The following AIG1 variants were observed in gnomAD, a reference collection of about 807,000 sequenced individuals.
AIG1 encodes androgen-induced gene 1 protein.
In AIG1, 23 loss-of-function variants were observed where a neutral mutation model predicts 31.4. The observed-to-expected ratio is 0.73, with a 90% CI of 0.53 to 1.04. The LOEUF is 1.04. Among genes scored for constraint, AIG1 ranks in the 50% least tolerant of loss-of-function variants. AIG1 has a pLI of 0.00. For missense variants in AIG1, 274 were observed against 295.0 expected (o/e 0.93, Z 0.52); for synonymous variants, 100 against 110.5 (o/e 0.90, Z 0.60).
intron 4 of AIG1, among the ~76,000 whole-genome samples, chr6:143,306,872 C>T (rs1014683422): frequency 6.7e-4 from 102 of 152,234 alleles, no homozygotes; most frequent in African/African-American, 2.3e-3. Flanking sequence ...TCACATAGTC[C>T]CATATTTCTT....
At chr6:143,127,779 C>G (rs897812148) in intron 1 of AIG1, among the ~76,000 whole-genome samples, 2 of 152,082 alleles carry the variant, frequency 1.3e-5, no homozygotes, top group Non-Finnish European at 2.9e-5. Context: ...CCTTCACCTC[C>G]CATGTTCAAG....
intron 3 of AIG1, among the ~76,000 whole-genome samples, chr6:143,269,557 A>C (rs1039167783): frequency 7.2e-5 from 11 of 152,218 alleles, no homozygotes; most frequent in Admixed American, 5.2e-4. Flanking sequence ...AATGCACCAA[A>C]CTGGAGAGAA....
At chr6:143,186,116 C>A (rs1305713428) in intron 3 of AIG1, among the ~76,000 whole-genome samples, 1 of 152,176 alleles carries the variant, frequency 6.6e-6, no homozygotes, top group East Asian at 1.9e-4. Flanking sequence ...GGGAGTGGAC[C>A]ATTCAGGGGC....
chr6:143,146,596 C>G (rs568797263), intron 2 of AIG1, among the ~76,000 whole-genome samples: 3 of 152,020 alleles, frequency 2.0e-5, no homozygotes, highest in Admixed American at 2.0e-4. Context: ...CCGCCCTAAA[C>G]ATTGCTTTCT....
intron 3 of AIG1, among the ~76,000 whole-genome samples, chr6:143,204,527 A>G (rs1386970570): frequency 6.6e-6 from 1 of 152,144 alleles, no homozygotes; most frequent in Non-Finnish European, 1.5e-5. Flanking sequence ...ACCAGGCTTC[A>G]TAAGCCCTAG....
At chr6:143,192,098 T>A (rs765049417) in intron 3 of AIG1, among the ~76,000 whole-genome samples, 63 of 152,238 alleles carry the variant, frequency 4.1e-4, no homozygotes, top group Non-Finnish European at 7.1e-4. Context: ...CTTTAAACTT[T>A]TAACTTCAGT....
rs149320815 is a variant in AIG1, at chr6:143,293,227, T to A, written c.515+9002T>A. On this transcript the variant is annotated intron_variant, in intron 4 of 5. Coordinates refer to ENST00000357847, the MANE Select transcript of AIG1 (RefSeq NM_016108.4). The surrounding 1 kb of genome is among the most constrained non-coding windows in gnomAD (Gnocchi z 4.8). ...CTCTCTCTCTTCCCCGCCACCCTTA[T>A]TTTATTTTCATTTTATCCTCTGTTC... Among the ~76,000 whole-genome samples the A allele has an allele frequency of 4.3e-4, 65 of 152,318 alleles. No individual in the cohort carries two copies. Among genetic ancestry groups the A allele is most frequent in the African/African-American group, 1.3e-3 (54 of 41,574 alleles).
chr6:143,242,333 G>A (rs898217520), intron 3 of AIG1, among the ~76,000 whole-genome samples: 5 of 152,244 alleles, frequency 3.3e-5, no homozygotes, highest in Non-Finnish European at 4.4e-5. Flanking sequence ...TCAAATTAGC[G>A]GACGTGATAA....
chr6:143,250,332 G>T (rs1232072200), intron 3 of AIG1, among the ~76,000 whole-genome samples: 1 of 152,176 alleles, frequency 6.6e-6, no homozygotes, highest in Admixed American at 6.5e-5. Context: ...CACTTACTCT[G>T]ATCTGAGCAT....
intron 2 of AIG1, among the ~76,000 whole-genome samples, chr6:143,148,920 C>T (rs555934869): frequency 5.6e-4 from 85 of 152,146 alleles, no homozygotes; most frequent in African/African-American, 1.7e-3. Flanking sequence ...ATTGTGTTGC[C>T]GTTGCCTGTG....
In AIG1 at chr6:143,280,113, G is replaced by C. The variant is rs1797243845; in HGVS notation, c.400-3997G>C. Among the ~76,000 whole-genome samples the C allele has an allele frequency of 1.3e-5, 2 of 152,198 alleles. No individual in the cohort carries two copies. The highest frequency in any genetic ancestry group is 4.8e-5 in the African/African-American group (2 of 41,448). On this transcript the variant is annotated intron_variant, in intron 3 of 5. Coordinates refer to ENST00000357847, the MANE Select transcript of AIG1 (RefSeq NM_016108.4). The surrounding 1 kb of genome is among the most constrained non-coding windows in gnomAD (Gnocchi z 4.1). ...CTACATCTACCTGAAAATACTGTAA[G>C]TTGTAAATGGTATTTGTGTTTGGGG...
chr6:143,194,149 AAG>A (rs1275423242), intron 3 of AIG1, among the ~76,000 whole-genome samples: 2 of 152,212 alleles, frequency 1.3e-5, no homozygotes, highest in African/African-American at 4.8e-5. Context: ...TTATAAAGGA[AAG>A]AGATTTAATT....
intron 3 of AIG1, among the ~76,000 whole-genome samples, chr6:143,228,173 T>C (rs530521010): frequency 6.6e-6 from 1 of 152,308 alleles, no homozygotes; most frequent in Non-Finnish European, 1.5e-5. Flanking sequence ...TGGAATATGC[T>C]TTGAAAAATC....
At chr6:143,067,423 A>G (rs533011832) in intron 1 of AIG1, among the ~76,000 whole-genome samples, 2 of 152,292 alleles carry the variant, frequency 1.3e-5, no homozygotes, top group East Asian at 3.9e-4. Flanking sequence ...AGATGAGGAT[A>G]AATAAAGTCT....
At chr6:143,118,457 C>CAAA in intron 1 of AIG1, among the ~76,000 whole-genome samples, 1 of 110,960 alleles carries the variant, frequency 9.0e-6, no homozygotes. Flanking sequence ...GACTCCGTCT[C>CAAA]AAAAAAAAAA....
chr6:143,342,941 C>A, downstream of AIG1: 1 of 951,476 alleles, frequency 1.1e-6, no homozygotes. Context: ...TGGAGCTTCT[C>A]CTTCAGTATA....
At chr6:143,066,033 C>T (rs1776672163) in intron 1 of AIG1, among the ~76,000 whole-genome samples, 1 of 152,248 alleles carries the variant, frequency 6.6e-6, no homozygotes, top group East Asian at 1.9e-4. Flanking sequence ...TCAGGCCCTG[C>T]CTACTCAAAG....
chr6:143,320,490 G>A (rs1195214034), intron 4 of AIG1, among the ~76,000 whole-genome samples: 2 of 152,276 alleles, frequency 1.3e-5, no homozygotes, highest in South Asian at 2.1e-4. Flanking sequence ...TAAATAAAAG[G>A]TGTATAGACA....
At chr6:143,126,913 C>T (rs1305796946) in intron 1 of AIG1, among the ~76,000 whole-genome samples, 1 of 152,016 alleles carries the variant, frequency 6.6e-6, no homozygotes, top group African/African-American at 2.4e-5. Context: ...TTGTGCTCCC[C>T]TACTCGGGAC....
Sources: gnomAD v4.1 joint callset for allele counts (sites outside exome capture counted in the v4.1 genomes callset) on GRCh38, gnomAD v4.1.1 for gene constraint, Gnocchi (gnomAD v3.1) non-coding constraint, MANE v1.5 for transcripts, NCBI Gene and HGNC (gene_info 2026-07-23, HGNC 2026-07-21) for gene names.